PRDM5: variants seen among roughly 807,000 people sequenced by gnomAD.
The protein encoded by PRDM5 is PR/SET domain 5.
In PRDM5, 56 loss-of-function variants were observed where a neutral mutation model predicts 81.2. The ratio of observed to expected loss-of-function variants is 0.69; its 90% CI spans 0.56 to 0.86. The LOEUF (loss-of-function observed/expected upper bound fraction) is 0.86. Among genes scored for constraint, PRDM5 ranks in the 40% least tolerant of loss-of-function variants. The pLI, the probability that PRDM5 is intolerant of heterozygous loss-of-function variation, is 0.00. For missense variants in PRDM5, 697 were observed against 770.1 expected (o/e 0.91, Z 1.12); for synonymous variants, 267 against 256.4 (o/e 1.04, Z -0.39).
At chr4:120,830,313 C>A (rs1756551045) in intron 3 of PRDM5, among the ~76,000 whole-genome samples, 1 of 152,024 alleles carries the variant, frequency 6.6e-6, no homozygotes. Flanking sequence ...GCAAAGTGAA[C>A]CACGTCCAAG....
intron 15 of PRDM5, among the ~76,000 whole-genome samples, chr4:120,699,465 C>A (rs7699945): frequency 3.3e-5 from 5 of 151,828 alleles, no homozygotes; most frequent in African/African-American, 9.7e-5. Flanking sequence ...GAGACACAAA[C>A]TGCAATCCTA....
chr4:120,900,081 C>G (rs1430211756), intron 2 of PRDM5, among the ~76,000 whole-genome samples: 1 of 152,158 alleles, frequency 6.6e-6, no homozygotes, highest in Non-Finnish European at 1.5e-5. Context: ...CCGGGTGCAC[C>G]ACCCTCCAGA....
At chr4:120,772,885 T>C (rs979555202) in intron 13 of PRDM5, among the ~76,000 whole-genome samples, 3 of 152,242 alleles carry the variant, frequency 2.0e-5, no homozygotes, top group South Asian at 2.1e-4. Flanking sequence ...ATAAAAGTAA[T>C]GGTGAGTAAA....
intron 15 of PRDM5, among the ~76,000 whole-genome samples, chr4:120,703,930 T>A (rs548621794): frequency 6.6e-6 from 1 of 152,170 alleles, no homozygotes; most frequent in African/African-American, 2.4e-5. Flanking sequence ...TAAAAATATA[T>A]ATAAAAACCA....
At chr4:120,685,734 T>C (rs1280663067) in intron 1 of PRDM5, among the ~76,000 whole-genome samples, 6 of 152,124 alleles carry the variant, frequency 3.9e-5, no homozygotes, top group African/African-American at 9.7e-5. Flanking sequence ...TAAATCTGTT[T>C]TGTTTAAAAA....
intron 2 of PRDM5, among the ~76,000 whole-genome samples, chr4:120,874,305 T>C (rs1484259262): frequency 6.6e-6 from 1 of 152,198 alleles, no homozygotes; most frequent in Non-Finnish European, 1.5e-5. Flanking sequence ...AAGATGAATA[T>C]GTAAAGTTAA....
At chr4:120,907,602 C>G in intron 1 of PRDM5, 45 bp from the exon 2 acceptor site, 1 of 1,421,672 alleles carries the variant, frequency 7.0e-7, no homozygotes, top group Non-Finnish European at 9.9e-7. Context: ...TACAATAAAT[C>G]AACATACTAA....
At chr4:120,873,515 T>A (rs1762051844) in intron 2 of PRDM5, among the ~76,000 whole-genome samples, 1 of 152,208 alleles carries the variant, frequency 6.6e-6, no homozygotes, top group Admixed American at 6.5e-5. Context: ...AAGTTTACTA[T>A]CACACAATCC....
chr4:120,760,067 A>G (rs1244123967), intron 13 of PRDM5, among the ~76,000 whole-genome samples: 3 of 152,232 alleles, frequency 2.0e-5, no homozygotes, highest in African/African-American at 7.2e-5. Context: ...TCTCAAGATG[A>G]CATAGCTTCT....
intron 14 of PRDM5, among the ~76,000 whole-genome samples, chr4:120,731,452 T>C (rs1255572434): frequency 6.7e-6 from 1 of 148,926 alleles, no homozygotes; most frequent in Non-Finnish European, 1.5e-5. Context: ...GTTAAAGCAA[T>C]AAAACTAACA....
At chr4:120,697,825 G>A (rs1734733992) in intron 15 of PRDM5, among the ~76,000 whole-genome samples, 1 of 151,494 alleles carries the variant, frequency 6.6e-6, no homozygotes, top group African/African-American at 2.4e-5. Flanking sequence ...AGCCGAGATT[G>A]TAATTTCAAA....
rs890503443 is a variant in PRDM5, at chr4:120,758,551, C to T, written c.1538-3913G>A. On this transcript the variant is annotated intron_variant, in intron 13 of 15. Coordinates refer to ENST00000264808, the MANE Select transcript of PRDM5 (RefSeq NM_018699.4). ...TGCCATGTGAAGACTGGAATTATGC[C>T]GCCACAAGCCAAGAACTATCAGAAG... Among the ~76,000 whole-genome samples the T allele has an allele frequency of 4.6e-5, 7 of 152,016 alleles. No individual in the cohort carries two copies. The East Asian group carries it at 7.7e-4, about 17-fold the overall frequency.
chr4:120,901,828 G>A (rs1335455801), intron 2 of PRDM5, among the ~76,000 whole-genome samples: 1 of 152,176 alleles, frequency 6.6e-6, no homozygotes, highest in Non-Finnish European at 1.5e-5. Flanking sequence ...ACCACCCAGT[G>A]TACTGAACTG....
intron 3 of PRDM5, among the ~76,000 whole-genome samples, chr4:120,843,564 C>T (rs566073461): frequency 9.2e-4 from 139 of 151,576 alleles, no homozygotes; most frequent in Non-Finnish European, 1.8e-3. Context: ...AGTAGATGGG[C>T]ATGCTGGCAC....
chr4:120,907,286 A>G (rs1295892565), intron 2 of PRDM5, among the ~76,000 whole-genome samples, 188 bp downstream of exon 2: 1 of 150,790 alleles, frequency 6.6e-6, no homozygotes, highest in Non-Finnish European at 1.5e-5. Flanking sequence ...GTGAGCCAAG[A>G]TCGCACCATT....
At chr4:120,810,057 TTTAATGTAATAATAATAGAAA>T (rs2149320514) in intron 8 of PRDM5, among the ~76,000 whole-genome samples, 2 of 152,282 alleles carry the variant, frequency 1.3e-5, no homozygotes, top group East Asian at 3.9e-4. Flanking sequence ...CATTATACAT[TTTAATGTAATAATAATAGAAA>T]TAAAGTACAC....
At chr4:120,860,985 C>T (rs1579021761) in intron 2 of PRDM5, among the ~76,000 whole-genome samples, 1 of 152,168 alleles carries the variant, frequency 6.6e-6, no homozygotes, top group African/African-American at 2.4e-5. Context: ...GCAAAGACTT[C>T]TAGCCTTATA....
intron 2 of PRDM5, among the ~76,000 whole-genome samples, chr4:120,879,793 T>G (rs545244273): frequency 5.3e-5 from 8 of 151,972 alleles, no homozygotes; most frequent in Admixed American, 5.2e-4. Context: ...AAGGATCAAT[T>G]GATTATGAGA....
chr4:120,698,055 C>T (rs1734785463), intron 15 of PRDM5, among the ~76,000 whole-genome samples: 2 of 151,924 alleles, frequency 1.3e-5, no homozygotes, highest in Admixed American at 6.6e-5. Context: ...CTTTTGTCTC[C>T]ATATTTCCTC....
Sources: gnomAD v4.1 joint callset for allele counts (sites outside exome capture counted in the v4.1 genomes callset) on GRCh38, gnomAD v4.1.1 for gene constraint, MANE v1.5 for transcripts, NCBI Gene and HGNC (gene_info 2026-07-23, HGNC 2026-07-21) for gene names.